TRDN: variants seen among roughly 807,000 people sequenced by gnomAD.
The protein encoded by TRDN is triadin in skeletal muscle.
Under a neutral mutation model 149.7 loss-of-function variants are expected in TRDN, and 161 were observed. That is an observed-to-expected ratio of 1.08 (90% CI 0.95 to 1.23). The LOEUF is 1.23. Among genes scored for constraint, TRDN ranks in the 50% most tolerant of loss-of-function variants. The pLI is 0.00. For missense variants in TRDN, 896 were observed against 823.5 expected, an observed-to-expected ratio of 1.09 and a Z score of -1.08; for synonymous variants, 294 against 250.5, an observed-to-expected ratio of 1.17 and a Z score of -1.64.
At chr6:123,503,210 A>C in intron 8 of TRDN, 7 of 984,432 alleles carry the variant, frequency 7.1e-6, no homozygotes, top group Non-Finnish European at 8.4e-6. Context: ...TTGCCTATTA[A>C]ATAAATTTAA....
chr6:123,483,127 G>T (rs550157555), intron 9 of TRDN, among the ~76,000 whole-genome samples: 2 of 145,956 alleles, frequency 1.4e-5, no homozygotes, highest in East Asian at 4.0e-4. Flanking sequence ...ATTTGAGACC[G>T]AGTCTCGCCC....
At chr6:123,398,603 T>G (rs1772832798) in intron 12 of TRDN, among the ~76,000 whole-genome samples, 1 of 152,210 alleles carries the variant, frequency 6.6e-6, no homozygotes, top group Non-Finnish European at 1.5e-5. Context: ...TAGAGAAAGG[T>G]TAACATTTAA....
chr6:123,375,893 A>G (rs1020457477), intron 18 of TRDN, among the ~76,000 whole-genome samples: 1 of 152,122 alleles, frequency 6.6e-6, no homozygotes, highest in Admixed American at 6.5e-5. Context: ...CAAATCAATC[A>G]TCTTGCTCTC....
chr6:123,350,323 A>C (rs2114289493), intron 21 of TRDN: 1 of 951,446 alleles, frequency 1.1e-6, no homozygotes, highest in South Asian at 4.9e-5. Context: ...CAGAGATTCA[A>C]TATGCACAAT....
intron 2 of TRDN, among the ~76,000 whole-genome samples, chr6:123,558,777 T>C (rs2145737): frequency 0.39 from 59,096 of 151,978 alleles, 13,380 homozygotes; most frequent in East Asian, 0.85. Flanking sequence ...CAAGTAGCAA[T>C]GTATTTCTGA....
intron 16 of TRDN, among the ~76,000 whole-genome samples, chr6:123,381,051 C>T (rs1447754941): frequency 6.6e-6 from 1 of 152,006 alleles, no homozygotes; most frequent in Admixed American, 6.6e-5. Context: ...TGACAACTAA[C>T]CAGATTAGGA....
intron 12 of TRDN, among the ~76,000 whole-genome samples, chr6:123,420,048 A>G (rs1773833151): frequency 6.6e-6 from 1 of 152,214 alleles, no homozygotes; most frequent in Non-Finnish European, 1.5e-5. Context: ...GTCAAACCAC[A>G]GGAAAAAGGG....
At chr6:123,454,015 T>C (rs1356494582) in intron 10 of TRDN, among the ~76,000 whole-genome samples, 1 of 151,994 alleles carries the variant, frequency 6.6e-6, no homozygotes, top group African/African-American at 2.4e-5. Context: ...TTATTCTAAG[T>C]GAAGTAACTC....
intron 1 of TRDN, among the ~76,000 whole-genome samples, chr6:123,590,736 C>T (rs1045943261): frequency 3.9e-5 from 6 of 152,056 alleles, no homozygotes; most frequent in Non-Finnish European, 8.8e-5. Context: ...CTACTCCAGC[C>T]TGGGCGAAAG....
At chr6:123,503,199 C>G in intron 8 of TRDN, 1 of 984,628 alleles carries the variant, frequency 1.0e-6, no homozygotes, top group Non-Finnish European at 1.2e-6. Context: ...TCTATAACAT[C>G]TTGCCTATTA....
Position 123,394,332 on chromosome 6 carries a change from T to A in TRDN, c.1052-655A>T, listed in dbSNP as rs116665973. On this transcript the variant is annotated intron_variant, in intron 12 of 40. Coordinates refer to ENST00000334268, the MANE Select transcript of TRDN (RefSeq NM_006073.4). ...TAAAAAAAAACTTATATGATAAACA[T>A]TTAAATATACTTAATCAGAATGGGA... is the stretch of plus-strand genomic sequence containing the variant. 5.7e-3 allele frequency among the ~76,000 whole-genome samples: 871 copies of A among 152,246 alleles called. 10 individuals carry two copies. The highest frequency in any genetic ancestry group is 0.02 in the African/African-American group (818 of 41,558).
intron 1 of TRDN, among the ~76,000 whole-genome samples, chr6:123,598,408 A>G (rs542425994): frequency 3.3e-5 from 5 of 152,080 alleles, no homozygotes; most frequent in Non-Finnish European, 7.4e-5. Context: ...ACATTACAAA[A>G]AAAACATGAA....
At chr6:123,507,122 ATG>A (rs1000194275) in intron 7 of TRDN, among the ~76,000 whole-genome samples, 13 of 152,232 alleles carry the variant, frequency 8.5e-5, no homozygotes, top group Admixed American at 8.5e-4. Context: ...TTATGTAAAT[ATG>A]TGTTTAGAAA....
Position 123,352,546 on chromosome 6 carries a change from C to T in TRDN, c.1362G>A (p.Val454=). The change falls in exon 21 of 41, where the codon GTG becomes GTA. Residue 454 remains valine, a synonymous_variant. Transcript: ENST00000334268. ...GKKEEKTTKT[V]EQEIRKEKSG... is the part of the protein sequence containing the mutation. ...TCCTTCATTTTTTTTTACCTTGCTC[C>T]ACTGTCTTGGTTGTTTTCTCTTCCT... 6 of 1,610,444 alleles carry T rather than the reference C, an allele frequency of 3.7e-6. No individual in the cohort carries two copies. The highest frequency in any genetic ancestry group is 2.2e-5 in the South Asian group (2 of 90,862).
chr6:123,580,361 T>C (rs1031734697), intron 1 of TRDN, among the ~76,000 whole-genome samples: 2 of 152,174 alleles, frequency 1.3e-5, no homozygotes, highest in African/African-American at 4.8e-5. Context: ...TAAAGGCTAG[T>C]AAAATTTAAA....
intron 24 of TRDN, among the ~76,000 whole-genome samples, chr6:123,297,040 T>C (rs1474756059): frequency 6.6e-6 from 1 of 152,076 alleles, no homozygotes; most frequent in Non-Finnish European, 1.5e-5. Flanking sequence ...AGAGAGTGTT[T>C]GGAAAGTCCT....
chr6:123,408,692 AG>A (rs1773301854), intron 12 of TRDN, among the ~76,000 whole-genome samples: 1 of 151,762 alleles, frequency 6.6e-6, no homozygotes. Flanking sequence ...AAAAAAAAAA[AG>A]AATTGTTTGG....
intron 1 of TRDN, among the ~76,000 whole-genome samples, chr6:123,636,190 T>G (rs1398666866): frequency 2.0e-5 from 3 of 151,878 alleles, no homozygotes; most frequent in Non-Finnish European, 2.9e-5. Flanking sequence ...AAATACAAAT[T>G]TTATGGGAAC....
intron 38 of TRDN, among the ~76,000 whole-genome samples, chr6:123,248,194 G>A (rs1218112752): frequency 6.6e-6 from 1 of 152,080 alleles, no homozygotes; most frequent in Non-Finnish European, 1.5e-5. Context: ...AGCCTAAGCA[G>A]GAATATAAGA....
Sources: gnomAD v4.1 joint callset for allele counts (sites outside exome capture counted in the v4.1 genomes callset) on GRCh38, gnomAD v4.1.1 for gene constraint, MANE v1.5 for transcripts, NCBI Gene and HGNC (gene_info 2026-07-23, HGNC 2026-07-21) for gene names.